The following DLG2 variants were observed in gnomAD, a reference collection of about 807,000 sequenced individuals.
DLG2 encodes discs large MAGUK scaffold protein 2.
A neutral mutation model predicts 132.5 loss-of-function variants in DLG2; 45 were observed. The ratio of observed to expected loss-of-function variants is 0.34; its 90% CI spans 0.27 to 0.44. DLG2 has a LOEUF of 0.44. Among genes scored for constraint, DLG2 ranks in the 20% least tolerant of loss-of-function variants. The probability of loss-of-function intolerance (pLI) is 1.00; values close to 1 mark genes in which losing one functional copy is unlikely to be tolerated. For missense variants in DLG2, 1,045 were observed against 1,196.9 expected, an observed-to-expected ratio of 0.87 and a Z score of 1.87; for synonymous variants, 424 against 419.6, an observed-to-expected ratio of 1.01 and a Z score of -0.13.
At chr11:84,525,429 TTCTC>T (rs1226409562) in intron 7 of DLG2, among the ~76,000 whole-genome samples, 1 of 152,150 alleles carries the variant, frequency 6.6e-6, no homozygotes, top group Non-Finnish European at 1.5e-5. Flanking sequence ...TATCTTCTAT[TTCTC>T]TCTCTTTTCT....
chr11:84,017,158 G>A (rs1336928963), intron 11 of DLG2, among the ~76,000 whole-genome samples: 1 of 152,006 alleles, frequency 6.6e-6, no homozygotes, highest in Non-Finnish European at 1.5e-5. Context: ...ACTGGGAAGA[G>A]CAAAGAGAAC....
intron 6 of DLG2, among the ~76,000 whole-genome samples, chr11:84,805,229 C>G (rs1473129606): frequency 6.6e-6 from 1 of 152,098 alleles, no homozygotes; most frequent in Non-Finnish European, 1.5e-5. Context: ...GCCATGCCCC[C>G]TTGAGTGTCA....
At chr11:85,090,735 C>T (rs1455294807) in intron 6 of DLG2, among the ~76,000 whole-genome samples, 1 of 152,158 alleles carries the variant, frequency 6.6e-6, no homozygotes, top group Non-Finnish European at 1.5e-5. Flanking sequence ...CACAATAAAG[C>T]AATTATCACC....
intron 15 of DLG2, among the ~76,000 whole-genome samples, chr11:83,875,141 T>A (rs1027523033): frequency 3.9e-5 from 6 of 152,268 alleles, no homozygotes; most frequent in African/African-American, 9.6e-5. Context: ...TAATAATAAT[T>A]GAGCTATTTG....
chr11:84,328,185 A>C (rs2098442032), intron 7 of DLG2, among the ~76,000 whole-genome samples: 1 of 152,098 alleles, frequency 6.6e-6, no homozygotes, highest in African/African-American at 2.4e-5. Flanking sequence ...TGTATGAATA[A>C]TGATATGGGT....
At chr11:83,918,987 C>T (rs180717757) in intron 15 of DLG2, among the ~76,000 whole-genome samples, 1 of 152,304 alleles carries the variant, frequency 6.6e-6, no homozygotes, top group Admixed American at 6.5e-5. Flanking sequence ...CATAACATCA[C>T]TCAAAGCAAT....
chr11:85,628,334 G>A (rs1002886211), upstream of DLG2, among the ~76,000 whole-genome samples: 2 of 152,228 alleles, frequency 1.3e-5, no homozygotes, highest in African/African-American at 2.4e-5. Context: ...GACGCGAAGA[G>A]ATCAGGGAGC....
chr11:84,783,659 A>T (rs191496217), intron 6 of DLG2, among the ~76,000 whole-genome samples: 4 of 152,294 alleles, frequency 2.6e-5, no homozygotes, highest in African/African-American at 9.6e-5. Context: ...GGAGCCTCTC[A>T]AAAGATCTAT....
intron 6 of DLG2, among the ~76,000 whole-genome samples, chr11:84,992,001 A>G (rs1018363406): frequency 6.6e-6 from 1 of 152,160 alleles, no homozygotes; most frequent in Non-Finnish European, 1.5e-5. Flanking sequence ...TATTCCAATC[A>G]TGAAGGCATC....
chr11:84,403,021 G>GA (rs2098836141), intron 7 of DLG2, among the ~76,000 whole-genome samples: 1 of 151,698 alleles, frequency 6.6e-6, no homozygotes, highest in African/African-American at 2.4e-5. Context: ...TCTGGCTAGA[G>GA]GATGGAGTGG....
At position 83,889,696 on chromosome 11, in the gene DLG2, C is replaced by G. The variant is rs2069104885; in HGVS notation, c.1497-15208G>C. ...TCGGCACTATTCACAATAGCAAAGA[C>G]TTGGAACCAACCCAAATGTCCAACA... On this transcript the variant is annotated intron_variant, in intron 15 of 27. Coordinates refer to ENST00000376104, the MANE Select transcript of DLG2 (RefSeq NM_001142699.3). Among the ~76,000 whole-genome samples, 5 of 152,102 alleles carry G rather than the reference C, an allele frequency of 3.3e-5. No individual in the cohort carries two copies. In the South Asian group the frequency reaches 1.0e-3, roughly 32 times the overall value.
intron 3 of DLG2, among the ~76,000 whole-genome samples, chr11:85,543,793 A>G (rs1284168763): frequency 1.3e-5 from 2 of 151,970 alleles, no homozygotes; most frequent in Non-Finnish European, 2.9e-5. Flanking sequence ...TTTTTTGGAG[A>G]AGTGTCTGTT....
chr11:83,481,162 TG>T (rs1012927163), intron 22 of DLG2, among the ~76,000 whole-genome samples: 4 of 151,988 alleles, frequency 2.6e-5, no homozygotes, highest in African/African-American at 9.7e-5. Flanking sequence ...GGCTGAAGTA[TG>T]TTTTTTTTAA....
intron 9 of DLG2, among the ~76,000 whole-genome samples, chr11:84,099,868 T>C (rs1452043889): frequency 0.046 from 430 of 9,306 alleles, 88 homozygotes; most frequent in Non-Finnish European, 0.12. Flanking sequence ...GATATATATA[T>C]CTAAAGCGAT....
chr11:84,988,303 C>T (rs1431595177), intron 6 of DLG2, among the ~76,000 whole-genome samples: 1 of 152,028 alleles, frequency 6.6e-6, no homozygotes, highest in Non-Finnish European at 1.5e-5. Context: ...TGTAAACTAA[C>T]ACTACACTAT....
intron 9 of DLG2, among the ~76,000 whole-genome samples, chr11:84,108,004 G>A (rs2093086779): frequency 1.3e-5 from 2 of 152,078 alleles, no homozygotes; most frequent in East Asian, 1.9e-4. Context: ...GGGATGATTT[G>A]GTTGCTTTAG....
chr11:83,752,177 A>G (rs1375792127), intron 18 of DLG2, among the ~76,000 whole-genome samples: 4 of 151,992 alleles, frequency 2.6e-5, no homozygotes, highest in Non-Finnish European at 5.9e-5. Flanking sequence ...CTGAGGTAGG[A>G]GAATGGCATG....
At chr11:84,329,325 C>T (rs1475653073) in intron 7 of DLG2, among the ~76,000 whole-genome samples, 1 of 152,130 alleles carries the variant, frequency 6.6e-6, no homozygotes, top group Non-Finnish European at 1.5e-5. Flanking sequence ...TCCACCAAAT[C>T]TCATCTTGAA....
At chr11:84,969,075 A>AG (rs2053710993) in intron 6 of DLG2, among the ~76,000 whole-genome samples, 1 of 115,228 alleles carries the variant, frequency 8.7e-6, no homozygotes, top group African/African-American at 2.9e-5. Flanking sequence ...CTTCACTTGC[A>AG]AAAAAAAAAA....
Sources: gnomAD v4.1 joint callset for allele counts (sites outside exome capture counted in the v4.1 genomes callset) on GRCh38, gnomAD v4.1.1 for gene constraint, MANE v1.5 for transcripts, NCBI Gene and HGNC (gene_info 2026-07-23, HGNC 2026-07-21) for gene names.